GPC5: variants seen among roughly 807,000 people sequenced by gnomAD.
GPC5 encodes the protein glypican-5.
A neutral mutation model predicts 53.9 loss-of-function variants in GPC5; 47 were observed. The ratio of observed to expected loss-of-function variants is 0.87; its 90% CI spans 0.69 to 1.11. The LOEUF is 1.11. Ranked by LOEUF, GPC5 falls within the 50% of genes most tolerant of loss-of-function variation. The pLI, the probability that GPC5 is intolerant of heterozygous loss-of-function variation, is 0.00. For synonymous variants in GPC5, 286 were observed against 263.3 expected (o/e 1.09, Z -0.84); for missense variants, 748 against 713.1 (o/e 1.05, Z -0.56).
intron 7 of GPC5, among the ~76,000 whole-genome samples, chr13:92,527,156 GAAAGAA>G (rs1409148718): frequency 6.5e-5 from 7 of 108,138 alleles, no homozygotes; most frequent in African/African-American, 2.2e-4. Flanking sequence ...AAGAAAGAAA[GAAAGAA>G]AGAAAGAAAG....
intron 6 of GPC5, among the ~76,000 whole-genome samples, chr13:92,080,460 C>T (rs763210411): frequency 1.1e-4 from 16 of 152,188 alleles, no homozygotes; most frequent in Non-Finnish European, 1.9e-4. Context: ...TTTTCCAAAT[C>T]TTCTCCCTTT....
intron 7 of GPC5, chr13:92,340,007 A>G (rs1218845872): frequency 6.7e-6 from 1 of 150,330 alleles, no homozygotes; most frequent in East Asian, 1.9e-4. Context: ...AAAAAAACAT[A>G]TATATGAAAA....
At chr13:91,927,406 T>C (rs1281434386) in intron 6 of GPC5, among the ~76,000 whole-genome samples, 1 of 152,170 alleles carries the variant, frequency 6.6e-6, no homozygotes, top group Non-Finnish European at 1.5e-5. Context: ...ATAGTTTGCT[T>C]TTCTGTGAAT....
At chr13:92,515,861 G>A (rs1199677690) in intron 7 of GPC5, among the ~76,000 whole-genome samples, 1 of 151,998 alleles carries the variant, frequency 6.6e-6, no homozygotes, top group Admixed American at 6.6e-5. Flanking sequence ...AAGTAAGAAA[G>A]AAAAGTTTAA....
chr13:92,305,955 A>G (rs2043108060), intron 7 of GPC5, among the ~76,000 whole-genome samples: 2 of 152,210 alleles, frequency 1.3e-5, no homozygotes, highest in South Asian at 4.1e-4. Flanking sequence ...GTAAAGAAGA[A>G]TTCTTTAAAA....
chr13:91,749,938 T>C (rs1292069367), intron 4 of GPC5, among the ~76,000 whole-genome samples: 2 of 152,162 alleles, frequency 1.3e-5, no homozygotes, highest in Non-Finnish European at 2.9e-5. Flanking sequence ...GCCTCCCAAG[T>C]AGCTGGGATC....
intron 6 of GPC5, among the ~76,000 whole-genome samples, chr13:92,044,897 G>T (rs1243868758): frequency 2.0e-5 from 3 of 152,038 alleles, no homozygotes; most frequent in Non-Finnish European, 4.4e-5. Flanking sequence ...TAAAAGGTTG[G>T]TGAAAATAAT....
intron 5 of GPC5, among the ~76,000 whole-genome samples, chr13:91,851,175 TTAAACACATCTCATTAG>T (rs2038908806): frequency 6.6e-6 from 1 of 152,104 alleles, no homozygotes; most frequent in Non-Finnish European, 1.5e-5. Context: ...AAAAAAGACT[TTAAACACATCTCATTAG>T]AGATGAGATA....
intron 6 of GPC5, among the ~76,000 whole-genome samples, chr13:91,975,276 T>C (rs947255245): frequency 6.6e-6 from 1 of 152,146 alleles, no homozygotes; most frequent in African/African-American, 2.4e-5. Context: ...AAATGGGATC[T>C]AATTAAACTA....
At chr13:91,438,976 T>C (rs896374933) in intron 1 of GPC5, among the ~76,000 whole-genome samples, 6 of 152,194 alleles carry the variant, frequency 3.9e-5, no homozygotes, top group Non-Finnish European at 8.8e-5. Context: ...CGGGATATAA[T>C]CTCCTGGTGT....
At chr13:91,967,880 T>C (rs1036651056) in intron 6 of GPC5, among the ~76,000 whole-genome samples, 2 of 152,116 alleles carry the variant, frequency 1.3e-5, no homozygotes, top group Admixed American at 1.3e-4. Context: ...TTATTATTTT[T>C]AATTTTTATT....
chr13:91,827,742 A>C (rs1365138739), intron 5 of GPC5, among the ~76,000 whole-genome samples: 1 of 152,118 alleles, frequency 6.6e-6, no homozygotes, highest in Non-Finnish European at 1.5e-5. Context: ...TACTGATTGA[A>C]GTTTAGAATG....
intron 7 of GPC5, among the ~76,000 whole-genome samples, chr13:92,551,214 G>GT (rs34674570): frequency 0.17 from 25,118 of 151,320 alleles, 2,519 homozygotes; most frequent in Non-Finnish European, 0.23. Flanking sequence ...ATGTGTGATA[G>GT]TTTAAGATTT....
At chr13:92,625,462 C>T (rs906355219) in intron 7 of GPC5, among the ~76,000 whole-genome samples, 8 of 152,080 alleles carry the variant, frequency 5.3e-5, no homozygotes, top group African/African-American at 1.9e-4. Context: ...TAATAAGTTG[C>T]ACATTTTAAT....
At chr13:91,779,214 A>C (rs1035441691) in intron 5 of GPC5, among the ~76,000 whole-genome samples, 1 of 152,194 alleles carries the variant, frequency 6.6e-6, no homozygotes, top group Non-Finnish European at 1.5e-5. Flanking sequence ...TTAGCCCACT[A>C]TCACTTTTTT....
intron 7 of GPC5, among the ~76,000 whole-genome samples, chr13:92,592,215 T>C (rs1281524530): frequency 2.0e-5 from 3 of 152,132 alleles, no homozygotes; most frequent in African/African-American, 7.2e-5. Flanking sequence ...GAGAGTGGAT[T>C]GGAGAATGGG....
intron 6 of GPC5, among the ~76,000 whole-genome samples, chr13:92,120,851 A>G (rs536926801): frequency 1.1e-4 from 16 of 152,352 alleles, no homozygotes; most frequent in Admixed American, 9.8e-4. Flanking sequence ...TTATGTAAAT[A>G]TCAATTCATA....
chr13:91,425,934 T>C (rs1879010876), intron 1 of GPC5, among the ~76,000 whole-genome samples: 1 of 152,054 alleles, frequency 6.6e-6, no homozygotes, highest in Admixed American at 6.6e-5. Context: ...TGGTCTTAGA[T>C]GGAGATGAGG....
rs556992604 is a variant in GPC5, at chr13:91,800,435, G to A, written c.1280+44015G>A. Among the ~76,000 whole-genome samples the A allele has an allele frequency of 8.6e-4, 130 of 150,572 alleles. 1 individual carries two copies. The highest frequency in any genetic ancestry group is 2.9e-3 in the African/African-American group (119 of 40,558). The stretch of plus-strand genomic sequence containing the variant: ...CAGGAGTCTAAAATAGTAAACATAT[G>A]TCACTCAAATTCATGATACATACTA... On this transcript the variant is annotated intron_variant, in intron 5 of 7. Coordinates refer to ENST00000377067, the MANE Select transcript of GPC5 (RefSeq NM_004466.6).
Sources: allele counts gnomAD v4.1 joint callset (sites outside exome capture counted in the v4.1 genomes callset), GRCh38; gene constraint gnomAD v4.1.1; transcripts MANE v1.5; gene names NCBI Gene and HGNC (gene_info 2026-07-23, HGNC 2026-07-21).